NBPF3: variants seen among roughly 807,000 people sequenced by gnomAD.
NBPF3 encodes NBPF family member NBPF3.
A neutral mutation model predicts 78.1 loss-of-function variants in NBPF3; 57 were observed. That is an observed-to-expected ratio of 0.73 (90% confidence interval 0.59 to 0.91). The LOEUF (loss-of-function observed/expected upper bound fraction) is 0.91, where lower values mean the gene tolerates loss of function less well. NBPF3 is among the 40% of genes least tolerant of loss of function. NBPF3 has a pLI of 0.00. For missense variants in NBPF3, 510 were observed against 715.3 expected, an observed-to-expected ratio of 0.71 and a Z score of 3.27; for synonymous variants, 182 against 271.7, an observed-to-expected ratio of 0.67 and a Z score of 3.25.
chr1:21,467,206 G>A (rs1642321416), intron 2 of NBPF3: 5 of 985,496 alleles, frequency 5.1e-6, no homozygotes, highest in Middle Eastern at 5.2e-4. Context: ...AGCGTGGAGT[G>A]CAGAGAGACA....
chr1:21,469,579 G>A (rs1171506672), intron 3 of NBPF3, among the ~76,000 whole-genome samples: 1 of 152,154 alleles, frequency 6.6e-6, no homozygotes. Flanking sequence ...ACAAACATTA[G>A]CTGGGCGTGG....
chr1:21,478,061 C>G (rs751383322), intron 8 of NBPF3, 83 bp from the exon 9 acceptor site: 13 of 1,611,252 alleles, frequency 8.1e-6, no homozygotes, highest in Non-Finnish European at 9.3e-6. Flanking sequence ...CATTCTGTCT[C>G]CCATCAGATC....
rs1393394391 is a variant in NBPF3, at chr1:21,473,472, C to G, written c.827C>G (p.Ser276Cys). 1.2e-6 allele frequency: 2 copies of G among 1,614,180 alleles called. No individual in the cohort carries two copies. The highest frequency in any genetic ancestry group is 2.2e-5 in the South Asian group (2 of 91,076). Residue 276 changes from serine to cysteine, a missense_variant, in exon 7 of 15, where the codon TCC becomes TGC. Ser to Cys is a moderately radical substitution (Grantham distance 112). Transcript: ENST00000318249. ...TCAAATAGCCACCACCCTTGTGAGT[C>G]CAACCAGCCTTACGGGAACACCAGA... Reference protein sequence around the residue: ...TCSNSHHPCESNQPYGNTRIT... With the variant: ...TCSNSHHPCECNQPYGNTRIT...
At chr1:21,469,963 A>G (rs1478257905) in intron 3 of NBPF3, among the ~76,000 whole-genome samples, 1 of 152,200 alleles carries the variant, frequency 6.6e-6, no homozygotes, top group Non-Finnish European at 1.5e-5. Context: ...AAATTGCTGC[A>G]ATGAGTTACA....
Position 21,468,906 on chromosome 1 carries a change from T to TA in NBPF3, c.343+10dup. The TA allele has an allele frequency of 6.3e-7, 1 of 1,595,862 alleles. No homozygotes were observed. Among genetic ancestry groups the TA allele is most frequent in the South Asian group, 1.1e-5 (1 of 90,512 alleles). Reference sequence around the variant, plus strand: ...CCGGCAAAATAATTACGGTAAGTTCTATAGGCTCACCATCACAAAAGCGAT... The same window carrying TA: ...CCGGCAAAATAATTACGGTAAGTTCTAATAGGCTCACCATCACAAAAGCGAT... On this transcript the variant is annotated intron_variant, in intron 3 of 14. Transcript: ENST00000318249.
chr1:21,451,524 A>G (rs1283401834), intron 2 of NBPF3, among the ~76,000 whole-genome samples: 1 of 152,200 alleles, frequency 6.6e-6, no homozygotes, highest in Non-Finnish European at 1.5e-5. Flanking sequence ...AGACAGGCTG[A>G]TGACTTCAGG....
intron 5 of NBPF3, among the ~76,000 whole-genome samples, 172 bp from the exon 6 acceptor site, chr1:21,472,671 T>G (rs906150529): frequency 1.9e-4 from 29 of 152,214 alleles, no homozygotes; most frequent in African/African-American, 7.0e-4. Flanking sequence ...AGAAATGCAT[T>G]GCCTGATGGA....
At chr1:21,465,445 G>A (rs559517012) in intron 2 of NBPF3, among the ~76,000 whole-genome samples, 1 of 152,350 alleles carries the variant, frequency 6.6e-6, no homozygotes, top group Admixed American at 6.5e-5. Flanking sequence ...GATCAACTTG[G>A]GGGTGGGACC....
At chr1:21,455,076 C>G (rs59644165) in intron 2 of NBPF3, among the ~76,000 whole-genome samples, 2,119 of 152,256 alleles carry the variant, frequency 0.014, 43 homozygotes, top group African/African-American at 0.047. Context: ...TCCTAGAGGC[C>G]TCCCATGTTC....
chr1:21,468,016 C>CT (rs1397652502), intron 2 of NBPF3: 1 of 152,350 alleles, frequency 6.6e-6, no homozygotes, highest in African/African-American at 2.4e-5. Flanking sequence ...CATTCACTTT[C>CT]TAGTGGATAC....
intron 2 of NBPF3, among the ~76,000 whole-genome samples, chr1:21,458,332 G>A (rs1641751395): frequency 6.7e-6 from 1 of 148,716 alleles, no homozygotes; most frequent in Admixed American, 6.7e-5. Context: ...GTGGGCTTTG[G>A]TTACATTCCA....
chr1:21,480,542 C>T (rs1278548282), intron 11 of NBPF3, among the ~76,000 whole-genome samples: 9 of 151,378 alleles, frequency 5.9e-5, no homozygotes, highest in South Asian at 2.1e-4. Flanking sequence ...TTTCCTCCTT[C>T]ATTCAAATTT....
intron 1 of NBPF3, among the ~76,000 whole-genome samples, chr1:21,444,088 C>G (rs901435103): frequency 2.0e-5 from 3 of 152,156 alleles, no homozygotes; most frequent in Non-Finnish European, 4.4e-5. Flanking sequence ...TTATTCACCA[C>G]TGTATTCTCA....
chr1:21,445,348 TA>T lies in NBPF3; in HGVS notation c.133+132del, dbSNP rs1640906447. 2.1e-5 allele frequency: 22 copies of T among 1,043,166 alleles called. No homozygotes were observed. The South Asian group carries it at 3.6e-4, about 17-fold the overall frequency. 64.6% of individuals were successfully genotyped at this position (1,043,166 alleles called of 1,614,324 possible). A position where few individuals can be genotyped will look rare whatever the true frequency, so the allele number is the denominator to read the frequency against. On this transcript the variant is annotated intron_variant, in intron 2 of 14. Coordinates refer to ENST00000318249, the MANE Select transcript of NBPF3 (RefSeq NM_032264.6). ...GCCTTGCCTGGCATGAAACAGATAT[TA>T]AATACGTATTTGTTAAATGAATGAA...
At chr1:21,447,143 T>C (rs1467142359) in intron 2 of NBPF3, among the ~76,000 whole-genome samples, 4 of 152,234 alleles carry the variant, frequency 2.6e-5, no homozygotes, top group Non-Finnish European at 5.9e-5. Flanking sequence ...GTGGAAAACT[T>C]GAGTGGATAG....
At chr1:21,437,857 C>T (rs1640456211), upstream of NBPF3, among the ~76,000 whole-genome samples, 2 of 149,964 alleles carry the variant, frequency 1.3e-5, no homozygotes, top group Non-Finnish European at 3.0e-5. Context: ...CGGAGTTTCA[C>T]TCTGTGGCCC....
chr1:21,474,942 TGTCTCCCAG>T lies in NBPF3; in HGVS notation c.986_992+2del, dbSNP rs139002241. On this transcript the variant is annotated inframe_deletion and splice_region_variant, in exon 8 of 15. Transcript: ENST00000318249. ...GAGCAAGAGGAAGAAAAAGGGCCAG[TGTCTCCCAG>T]GTAATGCCATGGAATTGTGGGCTGT... 0.014 allele frequency: 22,321 copies of T among 1,602,216 alleles called. 964 individuals are homozygous for T. The highest frequency in any genetic ancestry group is 0.14 in the African/African-American group (10,117 of 74,208).
chr1:21,440,881 G>C (rs959121115), intron 1 of NBPF3: 18 of 152,284 alleles, frequency 1.2e-4, no homozygotes, highest in African/African-American at 4.3e-4. Context: ...CTCCTGACTA[G>C]CGGGGCAAGC....
chr1:21,445,311 A>G (rs575019895), intron 2 of NBPF3, 92 bp downstream of exon 2: 1 of 1,424,674 alleles, frequency 7.0e-7, no homozygotes, highest in East Asian at 2.3e-5. Flanking sequence ...CAAGGTCCCT[A>G]AACATTGCAG....
Sources: allele counts gnomAD v4.1 joint callset (sites outside exome capture counted in the v4.1 genomes callset), GRCh38; gene constraint gnomAD v4.1.1; transcripts MANE v1.5; gene names NCBI Gene and HGNC (gene_info 2026-07-23, HGNC 2026-07-21).